Variants in MAGEE1 observed in about 807,000 individuals in gnomAD.
MAGEE1 encodes melanoma-associated antigen E1.
A neutral mutation model predicts 12.0 loss-of-function variants in MAGEE1; 3 were observed. That is an observed-to-expected ratio of 0.25 (90% CI 0.11 to 0.65). The LOEUF is 0.65. MAGEE1 is among the 30% of genes least tolerant of loss of function. The pLI is 0.84. For synonymous variants in MAGEE1, 414 were observed against 326.1 expected, an observed-to-expected ratio of 1.27 and a Z score of -2.91; for missense variants, 729 against 772.2, an observed-to-expected ratio of 0.94 and a Z score of 0.66.
Position 76,430,399 on chromosome X carries a change from T to A in MAGEE1, c.2469T>A (p.Thr823=), listed in dbSNP as rs781874348. Residue 823 remains threonine, a synonymous_variant, in exon 1 of 1, where the codon ACT becomes ACA. Transcript: ENST00000361470. ...ACAACCGAAGGGAGATGGAAGAAAC[T>A]GAGGAGATCGTAGACAGTCCAAACA... ...TLYNRREMEE[T]EEIVDSPNRP... 1 of 1,211,651 alleles carries A rather than the reference T, an allele frequency of 8.3e-7. No homozygotes were observed. The highest frequency in any genetic ancestry group is 1.1e-6 in the Non-Finnish European group (1 of 895,509).
chrX:76,428,378 A>G lies in MAGEE1; in HGVS notation c.448A>G (p.Thr150Ala). ...RPPTSSEEPS[T>A]SVPPTASEVP... is the part of the protein sequence containing the mutation. ...GCCCACTTCCTCTGAGGAACCTAGC[A>G]CCTCCGTGCCGCCCACCGCCTCTGA... Residue 150 changes from threonine to alanine, a missense_variant, in exon 1 of 1, where the codon ACC becomes GCC. Transcript: ENST00000361470. The G allele has an allele frequency of 8.3e-7, 1 of 1,210,415 alleles. No homozygotes were observed. Among genetic ancestry groups the G allele is most frequent in the Non-Finnish European group, 1.1e-6 (1 of 895,160 alleles).
Position 76,430,794 on chromosome X carries a change from A to G in MAGEE1, c.2864A>G (p.Asn955Ser). The change falls in exon 1 of 1, where the codon AAC becomes AGC. Residue 955 changes from asparagine (N) to serine (S), a missense_variant. Coordinates refer to ENST00000361470, the MANE Select transcript of MAGEE1 (RefSeq NM_020932.3). ...DVGHRQIFVHNFR is the reference protein window; with the variant it reads ...DVGHRQIFVHSFR ...GGGCACAGGCAAATCTTTGTTCACA[A>G]CTTCAGGTAGAGGAATGCATGGCAG... is the stretch of plus-strand genomic sequence containing the variant. 1 of 1,119,709 alleles carries G rather than the reference A, an allele frequency of 8.9e-7. No individual in the cohort carries two copies. Among genetic ancestry groups the G allele is most frequent in the Non-Finnish European group, 1.2e-6 (1 of 839,774 alleles). The allele number at this position is 1,119,709 out of a possible 1,213,427, so 92.3% of individuals were successfully genotyped here. A position where few individuals can be genotyped will look rare whatever the true frequency, so the allele number is the denominator to read the frequency against.
rs782592483 is a variant in MAGEE1 at position 76,428,523 on chromosome X, C to A, written c.593C>A (p.Thr198Asn). The A allele has an allele frequency of 1.7e-6, 2 of 1,209,996 alleles. No individual in the cohort carries two copies. The highest frequency in any genetic ancestry group is 1.8e-5 in the South Asian group (1 of 56,921). ...CCCACCCCTGATGAGGGACCAAGCACCTCCGTGCTGCCTACACCTGGTGAG... is the reference window on the plus strand; with the variant it reads ...CCCACCCCTGATGAGGGACCAAGCAACTCCGTGCTGCCTACACCTGGTGAG... ...VVPTPDEGPSTSVLPTPGEGP... is the reference protein window; with the variant it reads ...VVPTPDEGPSNSVLPTPGEGP... Residue 198 changes from threonine (T) to asparagine (N), a missense_variant, in exon 1 of 1, where the codon ACC becomes AAC. By Grantham distance (65) the Thr-to-Asn change is moderately conservative. Coordinates refer to ENST00000361470, the MANE Select transcript of MAGEE1 (RefSeq NM_020932.3).
Position 76,428,181 on chromosome X carries a change from T to G in MAGEE1, c.251T>G (p.Ile84Ser). The stretch of plus-strand genomic sequence containing the variant: ...CCAAGCACCTTTGTGCCGCCCACCA[T>G]CTCTGAGGCCTCAAGCGCCTCCGGG... The part of the protein sequence containing the change: ...EGPSTFVPPT[I>S]SEASSASGQP... Residue 84 changes from isoleucine (I) to serine (S), a missense_variant, in exon 1 of 1, where the codon ATC becomes AGC. Physicochemically the swap from Ile to Ser is moderately radical, Grantham distance 142. Coordinates refer to ENST00000361470, the MANE Select transcript of MAGEE1 (RefSeq NM_020932.3). 1 of 1,203,502 alleles carries G rather than the reference T, an allele frequency of 8.3e-7. No homozygotes were observed. Among genetic ancestry groups the G allele is most frequent in the Non-Finnish European group, 1.1e-6 (1 of 892,212 alleles).
At position 76,428,041 on chromosome X, in the gene MAGEE1, C is replaced by T. The variant is rs782600060; in HGVS notation, c.111C>T (p.Pro37=). Residue 37 remains proline, a synonymous_variant, in exon 1 of 1, where the codon CCC becomes CCT. Transcript: ENST00000361470. ...AGGCCCCTAATGCCCCCGGTCTCCC[C>T]GCTGATGTGCCAGGCTCAGACGTCC... The part of the protein sequence containing the change: ...EMQAPNAPGL[P]ADVPGSDVPQ... The T allele has an allele frequency of 2.5e-6, 3 of 1,185,301 alleles. No homozygotes were observed. The highest frequency in any genetic ancestry group is 3.7e-5 in the South Asian group (2 of 54,251).
At position 76,430,472 on chromosome X, in the gene MAGEE1, A is replaced by G. The variant is rs782221524; in HGVS notation, c.2542A>G (p.Met848Val). The G allele has an allele frequency of 5.8e-6, 7 of 1,208,299 alleles. No homozygotes were observed. The East Asian group carries it at 2.1e-4, about 36-fold the overall frequency. ...GCAGGTCCTAAGCTTCATCTTTATT[A>G]TGGGCAACCATGCCAGGGAGTCTGC... ...LMQVLSFIFI[M>V]GNHARESAVW... Residue 848 changes from methionine (M) to valine (V), a missense_variant, in exon 1 of 1, where the codon ATG (methionine) becomes GTG (valine). Transcript: ENST00000361470.
Position 76,429,461 on chromosome X carries a change from C to T in MAGEE1, c.1531C>T (p.Pro511Ser), listed in dbSNP as rs782758855. 2 of 1,209,910 alleles carry T rather than the reference C, an allele frequency of 1.7e-6. No homozygotes were observed. Among genetic ancestry groups the T allele is most frequent in the East Asian group, 5.9e-5 (2 of 33,731 alleles). ...FLLVKDQSKY[P>S]IRESEMREYI... is the part of the protein sequence containing the mutation. Reference sequence around the variant, plus strand: ...GCTGGTGAAGGATCAGAGCAAGTACCCTATCCGGGAGTCTGAAATGCGGGA... The same window carrying T: ...GCTGGTGAAGGATCAGAGCAAGTACTCTATCCGGGAGTCTGAAATGCGGGA... The change falls in exon 1 of 1, where the codon CCT becomes TCT. Residue 511 changes from proline to serine, a missense_variant. By Grantham distance (74) the Pro-to-Ser change is moderately conservative. Around this residue, in one of 4 missense-constraint regions of MAGEE1, gnomAD observed 91 missense variants for 133.8 expected, o/e 0.68. Coordinates refer to ENST00000361470, the MANE Select transcript of MAGEE1 (RefSeq NM_020932.3).
At position 76,428,563 on chromosome X, in the gene MAGEE1, C is replaced by G. The variant is rs1556839336; in HGVS notation, c.633C>G (p.Ser211=). The change falls in exon 1 of 1, where the codon TCC becomes TCG. Residue 211 remains serine, a synonymous_variant. Coordinates refer to ENST00000361470, the MANE Select transcript of MAGEE1 (RefSeq NM_020932.3). ...CACCTGGTGAGGGACCAGGCACCTC[C>G]GTGCCGCTCGCCGCCACTGAGGGCC... is the stretch of plus-strand genomic sequence containing the variant. ...LPTPGEGPGT[S]VPLAATEGLS... is the part of the protein sequence containing the mutation. 10 of 1,206,532 alleles carry G rather than the reference C, an allele frequency of 8.3e-6. No homozygotes were observed. In the Admixed American group the frequency reaches 2.2e-4, roughly 26 times the overall value.
rs782025813 is a variant in MAGEE1, at chrX:76,428,408, C to A, written c.478C>A (p.Pro160Thr). ...TSVPPTASEV[P>T]STSLPPTPGE... ...CGTGCCGCCCACCGCCTCTGAGGTA[C>A]CGAGCACCTCCCTGCCGCCCACCCC... Residue 160 changes from proline to threonine, a missense_variant, in exon 1 of 1, where the codon CCG becomes ACG. Physicochemically the swap from Pro to Thr is conservative, Grantham distance 38 (BLOSUM62 -1). Coordinates refer to ENST00000361470, the MANE Select transcript of MAGEE1 (RefSeq NM_020932.3). The A allele has an allele frequency of 1.7e-6, 2 of 1,209,945 alleles. No individual in the cohort carries two copies. Among genetic ancestry groups the A allele is most frequent in the South Asian group, 1.8e-5 (1 of 56,975 alleles).
Position 76,430,067 on chromosome X carries a change from T to C in MAGEE1, c.2137T>C (p.Phe713Leu). The C allele has an allele frequency of 8.3e-7, 1 of 1,209,696 alleles. No individual in the cohort carries two copies. The highest frequency in any genetic ancestry group is 1.1e-6 in the Non-Finnish European group (1 of 894,255). The change falls in exon 1 of 1, where the codon TTT becomes CTT. Residue 713 changes from phenylalanine (F) to leucine (L), a missense_variant. Physicochemically the swap from Phe to Leu is conservative, Grantham distance 22. Coordinates refer to ENST00000361470, the MANE Select transcript of MAGEE1 (RefSeq NM_020932.3). ...WQALPHFRRP[F>L]FEEAAAEVPS... ...GGCTCTCCCTCACTTTAGGAGGCCC[T>C]TTTTTGAGGAAGCTGCTGCAGAGGT... is the stretch of plus-strand genomic sequence containing the variant.
rs1923355871 is a variant in MAGEE1 at position 76,430,540 on chromosome X, A to G, written c.2610A>G (p.Arg870=). ...GGGGCTTAGGGGTTCAAGCTGGGAG[A>G]AAGCATGTGATTACCTGCAGATACT... The part of the protein sequence containing the change: ...FLRGLGVQAG[R]KHVITCRYLS... The change falls in exon 1 of 1, where the codon AGA becomes AGG. Residue 870 remains arginine, a synonymous_variant. Coordinates refer to ENST00000361470, the MANE Select transcript of MAGEE1 (RefSeq NM_020932.3). 1 of 1,208,652 alleles carries G rather than the reference A, an allele frequency of 8.3e-7. No individual in the cohort carries two copies. Among genetic ancestry groups the G allele is most frequent in the African/African-American group, 1.7e-5 (1 of 57,156 alleles).
chrX:76,430,157 T>A lies in MAGEE1; in HGVS notation c.2227T>A (p.Ser743Thr). The A allele has an allele frequency of 8.3e-7, 1 of 1,211,392 alleles. No individual in the cohort carries two copies. Among genetic ancestry groups the A allele is most frequent in the Non-Finnish European group, 1.1e-6 (1 of 895,469 alleles). Reference sequence around the variant, plus strand: ...ATATGCCCCACATTCATGGCCTGAGTCAAGATTGGAGAGCAAGGCAAGGAA... The same window carrying A: ...ATATGCCCCACATTCATGGCCTGAGACAAGATTGGAGAGCAAGGCAAGGAA... ...SKYAPHSWPESRLESKARKLV... is the reference protein window; with the variant it reads ...SKYAPHSWPETRLESKARKLV... Residue 743 changes from serine to threonine, a missense_variant, in exon 1 of 1, where the codon TCA becomes ACA. Around this residue, in one of 4 missense-constraint regions of MAGEE1, gnomAD observed 64 missense variants for 53.4 expected, o/e 1.20. Transcript: ENST00000361470.
rs367602677 is a variant in MAGEE1 at position 76,429,880 on chromosome X, G to A, written c.1950G>A (p.Glu650=). The change falls in exon 1 of 1, where the codon GAG becomes GAA. Residue 650 remains glutamate, a synonymous_variant. Transcript: ENST00000361470. ...YRPVTDCKPV[E]YEFFWGPRSH... is the part of the protein sequence containing the mutation. ...CAGTAACTGACTGTAAACCAGTGGA[G>A]TATGAGTTTTTCTGGGGCCCAAGAT... The A allele has an allele frequency of 3.3e-6, 4 of 1,211,764 alleles. No individual in the cohort carries two copies. Among genetic ancestry groups the A allele is most frequent in the Non-Finnish European group, 4.5e-6 (4 of 895,534 alleles).
Position 76,428,606 on chromosome X carries a change from G to T in MAGEE1, c.676G>T (p.Ala226Ser), listed in dbSNP as rs782522768. The change falls in exon 1 of 1, where the codon GCC (alanine) becomes TCC (serine). Residue 226 changes from alanine (A) to serine (S), a missense_variant. Ala to Ser is a moderately conservative substitution (Grantham distance 99). Coordinates refer to ENST00000361470, the MANE Select transcript of MAGEE1 (RefSeq NM_020932.3). ...TGAGGGCCTGAGCACCTCCGTGCAG[G>T]CCACTCCTGATGAGGGACCGAGCAC... ...ATEGLSTSVQ[A>S]TPDEGPSTSV... 1 of 1,060,173 alleles carries T rather than the reference G, an allele frequency of 9.4e-7. No individual in the cohort carries two copies. Among genetic ancestry groups the T allele is most frequent in the Non-Finnish European group, 1.2e-6 (1 of 815,044 alleles). 87.4% of individuals were successfully genotyped at this position (1,060,173 alleles called of 1,213,427 possible). A position where few individuals can be genotyped will look rare whatever the true frequency, so the allele number is the denominator to read the frequency against.
At position 76,429,944 on chromosome X, in the gene MAGEE1, A is replaced by G. The variant is rs1556839811; in HGVS notation, c.2014A>G (p.Met672Val). ...CACCAAGATGAAAATTCTGAAGTTCATGGCGAAAATATATAACAAAGATCC... is the reference window on the plus strand; with the variant it reads ...CACCAAGATGAAAATTCTGAAGTTCGTGGCGAAAATATATAACAAAGATCC... ...ETTKMKILKF[M>V]AKIYNKDPMD... The change falls in exon 1 of 1, where the codon ATG becomes GTG. Residue 672 changes from methionine (M) to valine (V), a missense_variant. Met to Val is a conservative substitution (Grantham distance 21). Transcript: ENST00000361470. 8.3e-7 allele frequency: 1 copy of G among 1,211,239 alleles called. No individual in the cohort carries two copies. Among genetic ancestry groups the G allele is most frequent in the Admixed American group, 2.2e-5 (1 of 45,965 alleles).
chrX:76,429,009 C>T lies in MAGEE1; in HGVS notation c.1079C>T (p.Pro360Leu). 8.3e-7 allele frequency: 1 copy of T among 1,211,788 alleles called. No individual in the cohort carries two copies. Among genetic ancestry groups the T allele is most frequent in the Non-Finnish European group, 1.1e-6 (1 of 895,514 alleles). ...CCAAGCACTTCCGTACTGCCAATCC[C>T]CGGTGAGGGACTGAGCACCTCTGTG... ...EGPSTSVLPI[P>L]GEGLSTSVPP... The change falls in exon 1 of 1, where the codon CCC (proline) becomes CTC (leucine). Residue 360 changes from proline (P) to leucine (L), a missense_variant. Coordinates refer to ENST00000361470, the MANE Select transcript of MAGEE1 (RefSeq NM_020932.3).
In MAGEE1 at chrX:76,428,851, C is replaced by A; in HGVS notation, c.921C>A (p.Ser307=). The A allele has an allele frequency of 8.3e-7, 1 of 1,210,387 alleles. No homozygotes were observed. The highest frequency in any genetic ancestry group is 1.1e-6 in the Non-Finnish European group (1 of 894,951). The part of the protein sequence containing the change: ...PPTATEGLST[S]VQPTAGEGSS... Reference sequence around the variant, plus strand: ...CCGCCACCGAGGGCCTGAGCACCTCCGTGCAGCCCACTGCTGGTGAGGGAT... The same window carrying A: ...CCGCCACCGAGGGCCTGAGCACCTCAGTGCAGCCCACTGCTGGTGAGGGAT... The change falls in exon 1 of 1, where the codon TCC becomes TCA. Residue 307 remains serine, a synonymous_variant. Transcript: ENST00000361470.
Position 76,430,331 on chromosome X carries a change from G to T in MAGEE1, c.2401G>T (p.Glu801Ter), listed in dbSNP as rs1008015423. The change falls in exon 1 of 1, where the codon GAA (glutamate) becomes TAA (stop). Residue 801 changes from glutamate to a stop codon, truncating the protein, a stop_gained. Coordinates refer to ENST00000361470, the MANE Select transcript of MAGEE1 (RefSeq NM_020932.3). LOFTEE classifies it high-confidence loss of function. ...CACCCTGAACCATGTCTATGGGACA[G>T]AACTAGTGGTACTTGATCCCAGGAA... ...ARTLNHVYGT[E>*]LVVLDPRNHS... The T allele has an allele frequency of 8.3e-7, 1 of 1,210,544 alleles. No homozygotes were observed. The highest frequency in any genetic ancestry group is 1.7e-5 in the African/African-American group (1 of 57,297).
Position 76,428,823 on chromosome X carries a change from C to A in MAGEE1, c.893C>A (p.Pro298His). The A allele has an allele frequency of 8.3e-7, 1 of 1,208,732 alleles. No homozygotes were observed. The highest frequency in any genetic ancestry group is 1.1e-6 in the Non-Finnish European group (1 of 894,414). The part of the protein sequence containing the change: ...RGKGSSTSVP[P>H]TATEGLSTSV... ...AAGGGATCAAGCACCTCCGTGCCCC[C>A]CACCGCCACCGAGGGCCTGAGCACC... Residue 298 changes from proline (P) to histidine (H), a missense_variant, in exon 1 of 1, where the codon CCC becomes CAC. Pro to His is a moderately conservative substitution (Grantham distance 77). Coordinates refer to ENST00000361470, the MANE Select transcript of MAGEE1 (RefSeq NM_020932.3).
Sources: allele counts gnomAD v4.1 joint callset, GRCh38; gene constraint gnomAD v4.1.1; regional missense constraint gnomAD v4.1.1; transcripts MANE v1.5; gene names NCBI Gene and HGNC (gene_info 2026-07-23, HGNC 2026-07-21).